GTF2F1: variants seen among roughly 807,000 people sequenced by gnomAD.
GTF2F1 encodes the protein general transcription factor IIF subunit 1, also known as general transcription factor IIF 74 kDa subunit.
A neutral mutation model predicts 63.5 loss-of-function variants in GTF2F1; 39 were observed. The observed-to-expected ratio is 0.61, with a 90% CI of 0.48 to 0.80. The LOEUF is 0.80. GTF2F1 is among the 30% of genes least tolerant of loss of function. The pLI, the probability that GTF2F1 is intolerant of heterozygous loss-of-function variation, is 0.00. For missense variants in GTF2F1, 657 were observed against 718.3 expected (o/e 0.91, Z 0.97); for synonymous variants, 287 against 285.3 (o/e 1.01, Z -0.06).
In GTF2F1 at chr19:6,383,513, G is replaced by A; in HGVS notation, c.498-18C>T. 6.2e-7 allele frequency: 1 copy of A among 1,608,588 alleles called. No homozygotes were observed. Among genetic ancestry groups the A allele is most frequent in the South Asian group, 1.1e-5 (1 of 91,034 alleles). ...TGTTCCTCCTGCGGGCCAGGCACAG[G>A]GGGGCTCATGCCGGGCCTGGCACCA... On this transcript the variant is annotated intron_variant, in intron 5 of 12. Coordinates refer to ENST00000394456, the MANE Select transcript of GTF2F1 (RefSeq NM_002096.3). The surrounding 1 kb of genome is among the most constrained non-coding windows in gnomAD (Gnocchi z 4.5).
At chr19:6,388,304 C>G (rs1309297222) in intron 4 of GTF2F1, among the ~76,000 whole-genome samples, 2 of 152,204 alleles carry the variant, frequency 1.3e-5, no homozygotes, top group African/African-American at 4.8e-5. Context: ...TGCCCAGCCT[C>G]CTTGAGGCCT....
At chr19:6,387,174 ACT>A (rs1367636285) in intron 5 of GTF2F1, 1 of 530,296 alleles carries the variant, frequency 1.9e-6, no homozygotes, top group Non-Finnish European at 3.3e-6. Flanking sequence ...CGGGTCACAG[ACT>A]CTGGCTCTGG....
rs1599213810 is a variant in GTF2F1 at position 6,387,056 on chromosome 19, T to G, written c.497+333A>C. 3 of 291,482 alleles carry G rather than the reference T, an allele frequency of 1.0e-5. No individual in the cohort carries two copies. The East Asian group carries it at 2.5e-4, about 24-fold the overall frequency. 18.1% of individuals were successfully genotyped at this position (291,482 alleles called of 1,614,324 possible). On this transcript the variant is annotated intron_variant, in intron 5 of 12. Coordinates refer to ENST00000394456, the MANE Select transcript of GTF2F1 (RefSeq NM_002096.3). ...CACTGCTAGAGAAACCCTCCTCGGGTGCCCTGCCTGGAGCTGCTGCCCTGC... is the reference window on the plus strand; with the variant it reads ...CACTGCTAGAGAAACCCTCCTCGGGGGCCCTGCCTGGAGCTGCTGCCCTGC...
chr19:6,391,880 C>A (rs762212769), intron 3 of GTF2F1, 22 bp downstream of exon 3: 24 of 1,442,806 alleles, frequency 1.7e-5, no homozygotes, highest in Non-Finnish European at 2.1e-5. Flanking sequence ...CAGCCCCTGA[C>A]CCCCAGGACT....
In GTF2F1 at chr19:6,389,510, A is replaced by G; in HGVS notation, c.260T>C (p.Val87Ala). The part of the protein sequence containing the change: ...EEARRKKYGI[V>A]LKEFRPEDQP... ...GTCCTCGGGCCGGAACTCCTTGAGG[A>G]CGATGCCGTACTTCTTCCTCCGAGC... The change falls in exon 4 of 13, where the codon GTC (valine) becomes GCC (alanine). Residue 87 changes from valine (V) to alanine (A), a missense_variant. Physicochemically the swap from Val to Ala is moderately conservative, Grantham distance 64. Transcript: ENST00000394456. The G allele has an allele frequency of 6.2e-7, 1 of 1,614,202 alleles. No homozygotes were observed. Among genetic ancestry groups the G allele is most frequent in the South Asian group, 1.1e-5 (1 of 91,086 alleles).
intron 6 of GTF2F1, among the ~76,000 whole-genome samples, 171 bp from the exon 7 acceptor site, chr19:6,382,021 G>A (rs564549522): frequency 3.2e-4 from 49 of 152,022 alleles, no homozygotes; most frequent in African/African-American, 1.1e-3. Flanking sequence ...ACAAACTCCC[G>A]GCAGACCCCA....
rs11340944 is a variant in GTF2F1 at position 6,391,439 on chromosome 19, G to GT, written c.132+462dup. ...CTAGGCCTGGGCCTTTGCCATTTCC[G>GT]TTTTTTTTTTTTTTTTTTTTTTTTT... On this transcript the variant is annotated intron_variant, in intron 3 of 12. Coordinates refer to ENST00000394456, the MANE Select transcript of GTF2F1 (RefSeq NM_002096.3). Among the ~76,000 whole-genome samples the GT allele has an allele frequency of 9.3e-3, 812 of 87,426 alleles. 73 individuals carry two copies. Among genetic ancestry groups the GT allele is most frequent in the East Asian group, 0.014 (43 of 3,048 alleles). The allele number at this position is 87,426 out of a possible 152,430, so 57.4% of individuals were successfully genotyped here. A position where few individuals can be genotyped will look rare whatever the true frequency, so the allele number is the denominator to read the frequency against.
At position 6,387,403 on chromosome 19, in the gene GTF2F1, C is replaced by T. The variant is rs1244903659; in HGVS notation, c.483G>A (p.Glu161=). The change falls in exon 5 of 13, where the codon GAG becomes GAA. Residue 161 remains glutamate (E), a synonymous_variant. Transcript: ENST00000394456. ...AGCCCACTCACCTCTCCCACTCCTC[C>T]TCGGCCTCCTCGGCAGTGAGCGTGC... ...RHRTLTAEEA[E]EEWERRNKVL... 1 of 1,614,126 alleles carries T rather than the reference C, an allele frequency of 6.2e-7. No individual in the cohort carries two copies. The highest frequency in any genetic ancestry group is 1.6e-4 in the Middle Eastern group (1 of 6,062).
intron 4 of GTF2F1, among the ~76,000 whole-genome samples, chr19:6,389,167 T>G (rs953475530): frequency 6.6e-6 from 1 of 151,762 alleles, no homozygotes; most frequent in African/African-American, 2.4e-5. Context: ...ACCTGGGAGG[T>G]GTGGGTTGCA....
intron 3 of GTF2F1, among the ~76,000 whole-genome samples, chr19:6,390,740 C>T (rs946756710): frequency 6.6e-6 from 1 of 150,724 alleles, no homozygotes; most frequent in East Asian, 2.0e-4. Context: ...ATTAGCTAGG[C>T]GTGGTGGTGG....
In GTF2F1 at chr19:6,380,552, C is replaced by A. The variant is rs372430323; in HGVS notation, c.1349+21G>T. ...TCCCCAGTAGCCCTTGCCCTGCCCC[C>A]TGCTGTCCTCGTCAACTTACCCGCT... On this transcript the variant is annotated intron_variant, in intron 12 of 12. Transcript: ENST00000394456. This position sits in a 1 kb window ranked among gnomAD's most constrained non-coding sequence, Gnocchi z 5.3. 9 of 1,613,156 alleles carry A rather than the reference C, an allele frequency of 5.6e-6. No homozygotes were observed. The African/African-American group carries it at 1.2e-4, about 22-fold the overall frequency.
chr19:6,380,709 G>C lies in GTF2F1; in HGVS notation c.1232-19C>G. On this transcript the variant is annotated intron_variant, in intron 11 of 12. Coordinates refer to ENST00000394456, the MANE Select transcript of GTF2F1 (RefSeq NM_002096.3). The surrounding 1 kb of genome is among the most constrained non-coding windows in gnomAD (Gnocchi z 5.3). ...CGCTTCCCTGTGGGAGTGGGGTCAG[G>C]GCTGAGTCTTGCAGGCAGGAGGCAG... 1.2e-6 allele frequency: 2 copies of C among 1,606,738 alleles called. No individual in the cohort carries two copies. Among genetic ancestry groups the C allele is most frequent in the Non-Finnish European group, 1.7e-6 (2 of 1,178,818 alleles).
intron 3 of GTF2F1, 189 bp from the exon 4 acceptor site, chr19:6,389,826 G>GC: frequency 1.9e-6 from 1 of 513,674 alleles, no homozygotes. Context: ...CGAGCCTTGC[G>GC]CTCTATTTTT....
Position 6,380,931 on chromosome 19 carries a change from G to C in GTF2F1, c.1204C>G (p.Arg402Gly). ...AEGGSTSSTL[R>G]AAASKLEQGK... is the part of the protein sequence containing the mutation. ...TGCTCGAGTTTGCTGGCAGCCGCCC[G>C]CAGGGTGGAGGAGGTGCTGCCACCC... The change falls in exon 11 of 13, where the codon CGG becomes GGG. Residue 402 changes from arginine (R) to glycine (G), a missense_variant. Arg to Gly is a moderately radical substitution (Grantham distance 125). Transcript: ENST00000394456. The surrounding 1 kb of genome is among the most constrained non-coding windows in gnomAD (Gnocchi z 5.3). 1 of 1,575,932 alleles carries C rather than the reference G, an allele frequency of 6.3e-7. No individual in the cohort carries two copies. Among genetic ancestry groups the C allele is most frequent in the African/African-American group, 1.3e-5 (1 of 74,204 alleles).
chr19:6,380,287 C>A lies in GTF2F1; in HGVS notation c.1548G>T (p.Lys516Asn), dbSNP rs1023748926. 6.2e-7 allele frequency: 1 copy of A among 1,613,876 alleles called. No individual in the cohort carries two copies. Among genetic ancestry groups the A allele is most frequent in the Non-Finnish European group, 8.5e-7 (1 of 1,179,828 alleles). Residue 516 changes from lysine (K) to asparagine (N), a missense_variant, in exon 13 of 13, where the codon AAG becomes AAT. This residue lies in a region of GTF2F1 where 55 missense variants were observed against 92.6 expected (regional missense o/e 0.59). Coordinates refer to ENST00000394456, the MANE Select transcript of GTF2F1 (RefSeq NM_002096.3). The surrounding 1 kb of genome is among the most constrained non-coding windows in gnomAD (Gnocchi z 5.3). ...CCATGTATTGGACCAAGCCTCACTCCTTGAGGGAGAAGTGCATTTTGTCGT... is the reference window on the plus strand; with the variant it reads ...CCATGTATTGGACCAAGCCTCACTCATTGAGGGAGAAGTGCATTTTGTCGT... Reference protein sequence around the residue: ...MINDKMHFSLKE With the variant: ...MINDKMHFSLNE
chr19:6,392,934 T>G, intron 1 of GTF2F1, 31 bp from the exon 2 acceptor site: 6 of 1,613,828 alleles, frequency 3.7e-6, no homozygotes, highest in Non-Finnish European at 5.1e-6. Context: ...GAGTGAGGGG[T>G]CGCCGAGGTC....
At chr19:6,392,944 C>A in intron 1 of GTF2F1, 40 bp downstream of exon 1, 1 of 1,614,080 alleles carries the variant, frequency 6.2e-7, no homozygotes, top group Non-Finnish European at 8.5e-7. Context: ...TCGCCGAGGT[C>A]GCCGTCGGAA....
rs746920397 is a variant in GTF2F1, at chr19:6,389,580, C to G, written c.190G>C (p.Glu64Gln). Residue 64 changes from glutamate to glutamine, a missense_variant, in exon 4 of 13, where the codon GAA becomes CAA. Transcript: ENST00000394456. ...KKIYQEEEMP[E>Q]SGAGSEFNRK... is the part of the protein sequence containing the mutation. ...TTGAACTCACTGCCCGCGCCCGATT[C>G]GGGCATCTCCTCCTCTTGGTAGATT... 1.7e-5 allele frequency: 27 copies of G among 1,614,150 alleles called. No individual in the cohort carries two copies. Among genetic ancestry groups the G allele is most frequent in the Non-Finnish European group, 2.1e-5 (25 of 1,180,028 alleles).
rs2091939647 is a variant in GTF2F1, at chr19:6,379,873, AT to A, written c.*407del. The A allele has an allele frequency of 4.3e-6, 1 of 234,248 alleles. No individual in the cohort carries two copies. The highest frequency in any genetic ancestry group is 5.0e-5 in the Admixed American group (1 of 19,982). 14.5% of individuals were successfully genotyped at this position (234,248 alleles called of 1,614,324 possible). Reference sequence around the variant, plus strand: ...GCTGGGACTGCAGGCGCTCACCATCATGCCCAGCCAAAACTGAAGACTTACT... The same window carrying A: ...GCTGGGACTGCAGGCGCTCACCATCAGCCCAGCCAAAACTGAAGACTTACT... On this transcript the variant is annotated 3_prime_UTR_variant, in exon 13 of 13. Transcript: ENST00000394456.
Sources: allele counts gnomAD v4.1 joint callset (sites outside exome capture counted in the v4.1 genomes callset), GRCh38; gene constraint gnomAD v4.1.1; regional missense constraint gnomAD v4.1.1; non-coding constraint Gnocchi (gnomAD v3.1); transcripts MANE v1.5; gene names NCBI Gene and HGNC (gene_info 2026-07-23, HGNC 2026-07-21).